The following FUT8 variants were observed in gnomAD, a reference collection of about 807,000 sequenced individuals.
The protein encoded by FUT8 is alpha-(1,6)-fucosyltransferase.
A neutral mutation model predicts 71.3 loss-of-function variants in FUT8; 29 were observed. The ratio of observed to expected loss-of-function variants is 0.41; its 90% CI spans 0.30 to 0.55. FUT8 has a LOEUF of 0.55. Ranked by LOEUF, FUT8 falls within the 20% of genes least tolerant of loss-of-function variation. The pLI is 0.34. For missense variants in FUT8, 544 were observed against 702.1 expected (o/e 0.77, Z 2.55); for synonymous variants, 254 against 239.3 (o/e 1.06, Z -0.57).
intron 2 of FUT8, among the ~76,000 whole-genome samples, chr14:65,505,027 TTTTAGC>T (rs1233351898): frequency 2.6e-5 from 4 of 152,192 alleles, no homozygotes; most frequent in African/African-American, 7.2e-5. Context: ...GACTACATTA[TTTTAGC>T]TTTAGAGATG....
At chr14:65,696,805 C>G (rs1243926557) in intron 7 of FUT8, among the ~76,000 whole-genome samples, 1 of 152,012 alleles carries the variant, frequency 6.6e-6, no homozygotes, top group Non-Finnish European at 1.5e-5. Context: ...TAAGCTGATT[C>G]TTTCCTTGGT....
At chr14:65,559,771 A>T (rs1411442250) in intron 2 of FUT8, among the ~76,000 whole-genome samples, 2 of 152,094 alleles carry the variant, frequency 1.3e-5, no homozygotes, top group African/African-American at 2.4e-5. Flanking sequence ...TAAGATGAAA[A>T]GTAGGGGATA....
At chr14:65,691,923 GTCA>G (rs1390662725) in intron 7 of FUT8, among the ~76,000 whole-genome samples, 1 of 152,202 alleles carries the variant, frequency 6.6e-6, no homozygotes, top group African/African-American at 2.4e-5. Flanking sequence ...TGGGGGTAAG[GTCA>G]TAGATCAACA....
chr14:65,593,408 A>G (rs1410703463), intron 3 of FUT8, among the ~76,000 whole-genome samples: 1 of 152,226 alleles, frequency 6.6e-6, no homozygotes, highest in African/African-American at 2.4e-5. Context: ...TGTTCTTGAA[A>G]TGTTCAAAAT....
chr14:65,626,909 G>C (rs923338580), intron 5 of FUT8, among the ~76,000 whole-genome samples: 1 of 152,066 alleles, frequency 6.6e-6, no homozygotes, highest in Non-Finnish European at 1.5e-5. Flanking sequence ...TGTTGAGAAG[G>C]GATGAAGCTG....
At chr14:65,622,449 T>G (rs1234950069) in intron 5 of FUT8, among the ~76,000 whole-genome samples, 2 of 152,224 alleles carry the variant, frequency 1.3e-5, no homozygotes, top group East Asian at 1.9e-4. Context: ...AAAGGCAGAT[T>G]ATTGAAAGAC....
intron 8 of FUT8, among the ~76,000 whole-genome samples, 200 bp downstream of exon 8, chr14:65,722,221 A>T (rs139731119): frequency 4.0e-4 from 61 of 152,226 alleles, no homozygotes; most frequent in African/African-American, 1.4e-3. Context: ...AAAGTTGCTT[A>T]GTAGTGCTCT....
intron 2 of FUT8, among the ~76,000 whole-genome samples, chr14:65,539,622 G>A (rs888933016): frequency 6.6e-6 from 1 of 152,140 alleles, no homozygotes; most frequent in African/African-American, 2.4e-5. Flanking sequence ...TGTACTAATA[G>A]AGATAATAGA....
chr14:65,614,064 A>G (rs963776618), intron 3 of FUT8, among the ~76,000 whole-genome samples: 2 of 151,776 alleles, frequency 1.3e-5, no homozygotes, highest in East Asian at 1.9e-4. Context: ...TGGCAAGCCA[A>G]GATCCCATCA....
intron 2 of FUT8, among the ~76,000 whole-genome samples, chr14:65,490,858 G>A (rs988088253): frequency 1.3e-4 from 20 of 152,024 alleles, no homozygotes; most frequent in African/African-American, 4.6e-4. Context: ...TTTGCAGATG[G>A]CAGTTATGCT....
chr14:65,509,681 G>T (rs572402111), intron 2 of FUT8, among the ~76,000 whole-genome samples: 2 of 151,706 alleles, frequency 1.3e-5, no homozygotes, highest in Non-Finnish European at 2.9e-5. Flanking sequence ...TATTTTGGTG[G>T]CTATTGTAAA....
intron 3 of FUT8, among the ~76,000 whole-genome samples, chr14:65,583,218 C>A (rs1466385621): frequency 6.6e-6 from 1 of 151,704 alleles, no homozygotes; most frequent in Non-Finnish European, 1.5e-5. Flanking sequence ...ACTCTGTTAC[C>A]CAGGCTGAGT....
At chr14:65,477,518 A>G (rs1453082575) in intron 2 of FUT8, among the ~76,000 whole-genome samples, 1 of 152,192 alleles carries the variant, frequency 6.6e-6, no homozygotes, top group East Asian at 1.9e-4. Context: ...TTCTATTTTT[A>G]TACAGATATT....
chr14:65,500,898 T>C (rs973901333), intron 2 of FUT8, among the ~76,000 whole-genome samples: 3 of 152,236 alleles, frequency 2.0e-5, no homozygotes, highest in Non-Finnish European at 2.9e-5. Context: ...TTTTATGCCA[T>C]GATATTTGTT....
chr14:65,412,641 G>A (rs966319053), upstream of FUT8: 1 of 255,846 alleles, frequency 3.9e-6, no homozygotes, highest in East Asian at 1.5e-4. Flanking sequence ...GAGAATCCCT[G>A]GCACATGCCA....
chr14:65,546,015 TAAC>T (rs919178460), intron 2 of FUT8, among the ~76,000 whole-genome samples: 9 of 151,868 alleles, frequency 5.9e-5, no homozygotes, highest in Admixed American at 2.6e-4. Flanking sequence ...TTTAATGAAA[TAAC>T]AACTTTCAAT....
At chr14:65,494,549 T>C (rs937722608) in intron 2 of FUT8, among the ~76,000 whole-genome samples, 1 of 152,194 alleles carries the variant, frequency 6.6e-6, no homozygotes, top group African/African-American at 2.4e-5. Context: ...CGCTCTCCAG[T>C]TGTATCCAGA....
At chr14:65,558,385 G>A (rs886218946) in intron 2 of FUT8, among the ~76,000 whole-genome samples, 5 of 150,352 alleles carry the variant, frequency 3.3e-5, no homozygotes, top group Admixed American at 6.6e-5. Flanking sequence ...AATCAATCAA[G>A]GAATGTCTTT....
intron 1 of FUT8, among the ~76,000 whole-genome samples, chr14:65,424,312 A>G (rs972405743): frequency 6.6e-6 from 1 of 152,050 alleles, no homozygotes; most frequent in East Asian, 2.0e-4. Flanking sequence ...AGTTAAATTT[A>G]TGTAGTTATG....
Sources: allele counts gnomAD v4.1 joint callset (sites outside exome capture counted in the v4.1 genomes callset), GRCh38; gene constraint gnomAD v4.1.1; transcripts MANE v1.5; gene names NCBI Gene and HGNC (gene_info 2026-07-23, HGNC 2026-07-21).